The following PPM1D variants were observed in gnomAD, a reference collection of about 807,000 sequenced individuals.
PPM1D encodes protein phosphatase 1D.
In PPM1D, 52 loss-of-function variants were observed where a neutral mutation model predicts 58.3. The ratio of observed to expected loss-of-function variants is 0.89; its 90% CI spans 0.71 to 1.12. The LOEUF is 1.12. Ranked by LOEUF, PPM1D falls within the 50% of genes most tolerant of loss-of-function variation. The probability of loss-of-function intolerance (pLI) is 0.00; values close to 1 mark genes in which losing one functional copy is unlikely to be tolerated. For missense variants in PPM1D, 564 were observed against 777.2 expected, an observed-to-expected ratio of 0.73 and a Z score of 3.26; for synonymous variants, 278 against 285.1, an observed-to-expected ratio of 0.98 and a Z score of 0.25.
chr17:60,635,461 C>T (rs756245370), intron 3 of PPM1D, among the ~76,000 whole-genome samples: 3 of 152,020 alleles, frequency 2.0e-5, no homozygotes, highest in Non-Finnish European at 2.9e-5. Flanking sequence ...GTGATCTGCC[C>T]GCCTTGGCCT....
chr17:60,608,982 C>T (rs935120596), intron 1 of PPM1D, among the ~76,000 whole-genome samples: 13 of 151,962 alleles, frequency 8.6e-5, no homozygotes, highest in African/African-American at 2.9e-4. Flanking sequence ...CTCCTGACCT[C>T]GTGATGTGCC....
intron 4 of PPM1D, among the ~76,000 whole-genome samples, chr17:60,656,176 C>A (rs939061512): frequency 2.0e-5 from 3 of 151,454 alleles, no homozygotes; most frequent in South Asian, 4.2e-4. Context: ...GGAGCTTTGG[C>A]TGGGCGCAGT....
In PPM1D at chr17:60,663,324, T is replaced by A; in HGVS notation, c.1590T>A (p.Pro530=). 1 of 1,614,112 alleles carries A rather than the reference T, an allele frequency of 6.2e-7. No individual in the cohort carries two copies. Among genetic ancestry groups the A allele is most frequent in the Non-Finnish European group, 8.5e-7 (1 of 1,180,012 alleles). Residue 530 remains proline, a synonymous_variant, in exon 6 of 6, where the codon CCT becomes CCA. Transcript: ENST00000305921. ...QMKAQEIERT[P]PTNFKRTLEE... ...AAGCCCAAGAAATTGAAAGAACCCC[T>A]CCAACAAACTTTAAAAGGACATTAG...
rs2143702737 is a variant in PPM1D, at chr17:60,648,052, C to T, written c.987C>T (p.Cys329=). The change falls in exon 4 of 6, where the codon TGC becomes TGT. Residue 329 remains cysteine (C), a synonymous_variant. Coordinates refer to ENST00000305921, the MANE Select transcript of PPM1D (RefSeq NM_003620.4). The stretch of plus-strand genomic sequence containing the variant: ...CACCACAAGATGCCATCTCAATGTG[C>T]CAGGACCAAGAGGAGAAAAAATACC... ...MIPPQDAISM[C]QDQEEKKYLM... is the part of the protein sequence containing the mutation. 6.2e-7 allele frequency: 1 copy of T among 1,612,638 alleles called. No homozygotes were observed. Among genetic ancestry groups the T allele is most frequent in the Non-Finnish European group, 8.5e-7 (1 of 1,179,688 alleles).
chr17:60,601,924 A>G (rs969611210), intron 1 of PPM1D, among the ~76,000 whole-genome samples: 3 of 152,246 alleles, frequency 2.0e-5, no homozygotes, highest in Non-Finnish European at 4.4e-5. Context: ...GTGGTGGGAA[A>G]AAACCTTGTT....
chr17:60,621,348 TG>T (rs2098389096), intron 1 of PPM1D, among the ~76,000 whole-genome samples: 1 of 152,170 alleles, frequency 6.6e-6, no homozygotes, highest in Admixed American at 6.6e-5. Flanking sequence ...GGTTTTCCAG[TG>T]CCATTTATTG....
chr17:60,618,471 T>C (rs954030946), intron 1 of PPM1D, among the ~76,000 whole-genome samples: 2 of 152,252 alleles, frequency 1.3e-5, no homozygotes, highest in Non-Finnish European at 2.9e-5. Context: ...TGTCGAACTT[T>C]AATTTGTGCG....
At chr17:60,651,021 G>C (rs1179042642) in intron 4 of PPM1D, among the ~76,000 whole-genome samples, 1 of 152,196 alleles carries the variant, frequency 6.6e-6, no homozygotes, top group Non-Finnish European at 1.5e-5. Flanking sequence ...AACAAGAGTT[G>C]CGTAAATTGT....
intron 3 of PPM1D, among the ~76,000 whole-genome samples, chr17:60,636,244 C>G (rs1239599212): frequency 6.6e-6 from 1 of 152,168 alleles, no homozygotes; most frequent in Non-Finnish European, 1.5e-5. Flanking sequence ...AAATCAAGCC[C>G]ACCCTCAAGT....
intron 3 of PPM1D, among the ~76,000 whole-genome samples, chr17:60,645,918 G>A (rs1053823408): frequency 6.6e-6 from 1 of 151,956 alleles, no homozygotes; most frequent in African/African-American, 2.4e-5. Context: ...CGAGGTGGGA[G>A]GATTGCTTGA....
rs182455499 is a variant in PPM1D at position 60,618,480 on chromosome 17, C to T, written c.473-5041C>T. Among the ~76,000 whole-genome samples the T allele has an allele frequency of 5.9e-5, 9 of 152,264 alleles. 1 individual carries two copies. In the East Asian group the frequency reaches 9.6e-4, roughly 16 times the overall value. On this transcript the variant is annotated intron_variant, in intron 1 of 5. Transcript: ENST00000305921. ...TGCTATTGTCGAACTTTAATTTGTG[C>T]GGTCTTGTAGTTATGCAGCACTATC...
Position 60,645,560 on chromosome 17 carries a change from GTGTA to G in PPM1D, c.827-2330_827-2327del, listed in dbSNP as rs1163700661. Among the ~76,000 whole-genome samples the G allele has an allele frequency of 3.3e-3, 458 of 137,046 alleles. 2 individuals carry two copies. Among genetic ancestry groups the G allele is most frequent in the African/African-American group, 0.012 (425 of 34,332 alleles). The allele number at this position is 137,046 out of a possible 152,430, so 89.9% of individuals were successfully genotyped here. A position where few individuals can be genotyped will look rare whatever the true frequency, so the allele number is the denominator to read the frequency against. ...TGTATATATATGTATATATATGTGT[GTGTA>G]TATATATGTATATATATATGTGTGT... On this transcript the variant is annotated intron_variant, in intron 3 of 5. Coordinates refer to ENST00000305921, the MANE Select transcript of PPM1D (RefSeq NM_003620.4).
chr17:60,605,757 T>C (rs1437369129), intron 1 of PPM1D, among the ~76,000 whole-genome samples: 8 of 152,002 alleles, frequency 5.3e-5, no homozygotes, highest in Non-Finnish European at 1.2e-4. Context: ...ACAAAAAAAT[T>C]AGCCGCACGT....
chr17:60,606,875 C>T (rs2030340190), intron 1 of PPM1D, among the ~76,000 whole-genome samples: 1 of 152,142 alleles, frequency 6.6e-6, no homozygotes, highest in Non-Finnish European at 1.5e-5. Context: ...AAGGTCCCTG[C>T]AGCCTTGACT....
At chr17:60,651,057 CTG>C (rs769715134) in intron 4 of PPM1D, among the ~76,000 whole-genome samples, 3 of 152,236 alleles carry the variant, frequency 2.0e-5, no homozygotes, top group East Asian at 3.9e-4. Flanking sequence ...TAGAGAGACT[CTG>C]TGGTTTAAGA....
chr17:60,638,100 T>C (rs943307185), intron 3 of PPM1D, among the ~76,000 whole-genome samples: 3 of 152,176 alleles, frequency 2.0e-5, no homozygotes, highest in African/African-American at 7.2e-5. Flanking sequence ...GGAATAAAAT[T>C]TGATACAGCG....
At chr17:60,610,967 T>C (rs1238464396) in intron 1 of PPM1D, among the ~76,000 whole-genome samples, 2 of 152,214 alleles carry the variant, frequency 1.3e-5, no homozygotes, top group Admixed American at 6.5e-5. Context: ...TGAAATTATA[T>C]CTTATTGTGG....
chr17:60,606,937 C>T (rs1460981267), intron 1 of PPM1D, among the ~76,000 whole-genome samples: 1 of 152,058 alleles, frequency 6.6e-6, no homozygotes, highest in East Asian at 1.9e-4. Context: ...GCTGAGACTA[C>T]AGGCATGTGC....
intron 5 of PPM1D, among the ~76,000 whole-genome samples, chr17:60,658,982 C>G (rs961569285): frequency 6.7e-6 from 1 of 150,166 alleles, no homozygotes; most frequent in East Asian, 1.9e-4. Context: ...AATAATAATT[C>G]TGATAATGAC....
Sources: allele counts gnomAD v4.1 joint callset (sites outside exome capture counted in the v4.1 genomes callset), GRCh38; gene constraint gnomAD v4.1.1; transcripts MANE v1.5; gene names NCBI Gene and HGNC (gene_info 2026-07-23, HGNC 2026-07-21).